Variants in ASAP1 observed in about 807,000 individuals in gnomAD.
The protein encoded by ASAP1 is arf-GAP with SH3 domain, ANK repeat and PH domain-containing protein 1.
In ASAP1, 43 loss-of-function variants were observed where a neutral mutation model predicts 145.2. The observed-to-expected ratio is 0.30, with a 90% CI of 0.23 to 0.38. The LOEUF (loss-of-function observed/expected upper bound fraction) is 0.38. ASAP1 is among the 10% of genes least tolerant of loss of function. The pLI is 1.00. For missense variants in ASAP1, 1,018 were observed against 1,355.3 expected (o/e 0.75, Z 3.91); for synonymous variants, 546 against 515.5 (o/e 1.06, Z -0.80).
intron 4 of ASAP1, among the ~76,000 whole-genome samples, chr8:130,216,453 G>A (rs1437638039): frequency 2.6e-5 from 4 of 152,296 alleles, no homozygotes; most frequent in Non-Finnish European, 4.4e-5. Flanking sequence ...TCTCAGTAGA[G>A]CAAATACTGC....
chr8:130,290,047 C>T (rs989488871), intron 3 of ASAP1, among the ~76,000 whole-genome samples: 1 of 152,166 alleles, frequency 6.6e-6, no homozygotes, highest in Non-Finnish European at 1.5e-5. Flanking sequence ...TGGTACTCGA[C>T]AGTTGGCAAC....
chr8:130,301,282 T>C (rs1822644342), intron 3 of ASAP1, among the ~76,000 whole-genome samples: 1 of 152,202 alleles, frequency 6.6e-6, no homozygotes, highest in Non-Finnish European at 1.5e-5. Flanking sequence ...TTATGTACAC[T>C]GAACATGGCA....
intron 3 of ASAP1, among the ~76,000 whole-genome samples, chr8:130,341,925 G>T (rs1375848177): frequency 6.6e-6 from 1 of 152,206 alleles, no homozygotes; most frequent in Non-Finnish European, 1.5e-5. Context: ...CCGAGAGATG[G>T]GAAGAGACAG....
chr8:130,279,431 G>T (rs564918774), intron 3 of ASAP1, among the ~76,000 whole-genome samples: 1 of 152,208 alleles, frequency 6.6e-6, no homozygotes, highest in Non-Finnish European at 1.5e-5. Flanking sequence ...GTTAATGGCA[G>T]ATGTTAGAAA....
At chr8:130,175,382 G>A (rs1813882602) in intron 9 of ASAP1, among the ~76,000 whole-genome samples, 1 of 152,032 alleles carries the variant, frequency 6.6e-6, no homozygotes, top group Admixed American at 6.6e-5. Flanking sequence ...CACCACACCA[G>A]GGTAATTTTT....
chr8:130,177,502 C>T (rs1814044143), intron 9 of ASAP1, among the ~76,000 whole-genome samples: 2 of 152,112 alleles, frequency 1.3e-5, no homozygotes, highest in South Asian at 4.1e-4. Context: ...AAAAATTCCA[C>T]CCAATACTAA....
At chr8:130,240,716 G>A (rs529236266) in intron 3 of ASAP1, among the ~76,000 whole-genome samples, 1 of 152,284 alleles carries the variant, frequency 6.6e-6, no homozygotes, top group Admixed American at 6.5e-5. Flanking sequence ...GTAAAGTTGT[G>A]CCATACGGCA....
At chr8:130,121,486 T>TGATC (rs1025410997) in intron 18 of ASAP1, among the ~76,000 whole-genome samples, 8 of 152,204 alleles carry the variant, frequency 5.3e-5, no homozygotes, top group African/African-American at 1.9e-4. Context: ...CAATATCATA[T>TGATC]GATCAGTTTA....
intron 2 of ASAP1, chr8:130,361,771 T>C (rs763229284): frequency 3.8e-5 from 58 of 1,531,218 alleles, no homozygotes; most frequent in Non-Finnish European, 5.1e-5. Flanking sequence ...TTCCTGGATA[T>C]CTGAAAGCAA....
chr8:130,382,802 G>A (rs775201218), intron 2 of ASAP1, among the ~76,000 whole-genome samples: 9 of 149,392 alleles, frequency 6.0e-5, no homozygotes, highest in Non-Finnish European at 1.2e-4. Flanking sequence ...CTGAGATTGC[G>A]CACCACTGCA....
At chr8:130,087,767 C>A (rs535703538) in intron 25 of ASAP1, among the ~76,000 whole-genome samples, 1 of 152,136 alleles carries the variant, frequency 6.6e-6, no homozygotes, top group Non-Finnish European at 1.5e-5. Flanking sequence ...TCAGCGTGAA[C>A]CCATTGATCT....
intron 2 of ASAP1, among the ~76,000 whole-genome samples, chr8:130,399,289 A>G (rs1331596278): frequency 6.6e-6 from 1 of 152,332 alleles, no homozygotes; most frequent in African/African-American, 2.4e-5. Context: ...ACTTTTAGGT[A>G]AGAGAGACAC....
intron 3 of ASAP1, among the ~76,000 whole-genome samples, chr8:130,255,950 C>CCA (rs755104552): frequency 9.2e-5 from 14 of 152,120 alleles, no homozygotes; most frequent in Non-Finnish European, 1.6e-4. Flanking sequence ...CCCACTCCTC[C>CCA]CACACACACA....
chr8:130,379,240 C>A (rs949134350), intron 2 of ASAP1, among the ~76,000 whole-genome samples: 1 of 152,144 alleles, frequency 6.6e-6, no homozygotes, highest in Admixed American at 6.5e-5. Flanking sequence ...TGTACCACCG[C>A]CCCCTCCCCC....
chr8:130,310,734 T>C (rs967901357), intron 3 of ASAP1, among the ~76,000 whole-genome samples: 1 of 151,904 alleles, frequency 6.6e-6, no homozygotes, highest in African/African-American at 2.4e-5. Flanking sequence ...TGTTAAACAG[T>C]ACTACTTCAT....
intron 1 of ASAP1, among the ~76,000 whole-genome samples, chr8:130,440,440 G>A (rs1172189451): frequency 1.3e-5 from 2 of 151,570 alleles, no homozygotes; most frequent in Non-Finnish European, 2.9e-5. Context: ...CCAGGAGGCA[G>A]AGGTTGCAGT....
chr8:130,170,377 A>C (rs1586504115), intron 9 of ASAP1, among the ~76,000 whole-genome samples: 1 of 151,454 alleles, frequency 6.6e-6, no homozygotes, highest in Middle Eastern at 3.4e-3. Flanking sequence ...CTCGTCTTGA[A>C]CTCCTGACCT....
At chr8:130,375,645 A>G (rs1197664920) in intron 2 of ASAP1, among the ~76,000 whole-genome samples, 1 of 152,172 alleles carries the variant, frequency 6.6e-6, no homozygotes, top group Non-Finnish European at 1.5e-5. Context: ...TCCTACCAGC[A>G]AGAAATGGAG....
At chr8:130,230,663 T>C (rs1050573627) in intron 4 of ASAP1, among the ~76,000 whole-genome samples, 4 of 152,194 alleles carry the variant, frequency 2.6e-5, no homozygotes, top group African/African-American at 4.8e-5. Context: ...CCAGTATTTC[T>C]ATCTAAAGCC....
Sources: allele counts gnomAD v4.1 joint callset (sites outside exome capture counted in the v4.1 genomes callset), GRCh38; gene constraint gnomAD v4.1.1; transcripts MANE v1.5; gene names NCBI Gene and HGNC (gene_info 2026-07-23, HGNC 2026-07-21).